Variants in RAB38 observed in about 807,000 individuals in gnomAD.
RAB38 encodes the protein ras-related protein Rab-38.
A neutral mutation model predicts 18.4 loss-of-function variants in RAB38; 15 were observed. That is an observed-to-expected ratio of 0.82 (90% confidence interval 0.55 to 1.26). The LOEUF (loss-of-function observed/expected upper bound fraction) is 1.26. RAB38 is among the 50% of genes most tolerant of loss of function. The pLI is 0.00. For missense variants in RAB38, 294 were observed against 267.4 expected, an observed-to-expected ratio of 1.10 and a Z score of -0.69; for synonymous variants, 101 against 104.4, an observed-to-expected ratio of 0.97 and a Z score of 0.20.
At chr11:88,083,942 G>T in the RAB38 span, among the ~76,000 whole-genome samples, 1 of 151,918 alleles carries the variant, frequency 6.6e-6, no homozygotes, top group South Asian at 2.1e-4. Context: ...AATGAACTAA[G>T]ACAGAAGGAT....
chr11:88,167,303 T>C (rs1243009703), intron 1 of RAB38: 1 of 152,062 alleles, frequency 6.6e-6, no homozygotes. Flanking sequence ...GTAAAAATCA[T>C]AGATGTGAGA....
chr11:87,966,835 G>T, the RAB38 span, among the ~76,000 whole-genome samples: 42 of 152,282 alleles, frequency 2.8e-4, no homozygotes, highest in South Asian at 8.3e-3. Context: ...AATTTATTGG[G>T]TGTGAGCCAG....
At chr11:88,043,584 C>T in the RAB38 span, among the ~76,000 whole-genome samples, 1 of 150,604 alleles carries the variant, frequency 6.6e-6, no homozygotes, top group African/African-American at 2.4e-5. Context: ...CAAAAGCTCC[C>T]CCACTGAGCA....
At chr11:88,016,547 G>C in the RAB38 span, among the ~76,000 whole-genome samples, 47 of 152,110 alleles carry the variant, frequency 3.1e-4, no homozygotes, top group African/African-American at 1.1e-3. Flanking sequence ...GATCCATCTT[G>C]CTTCCTAACA....
downstream of RAB38, among the ~76,000 whole-genome samples, chr11:88,109,692 C>A (rs1942448364): frequency 6.6e-6 from 1 of 152,108 alleles, no homozygotes; most frequent in Admixed American, 6.5e-5. Flanking sequence ...ACAACCCCAA[C>A]AAAAAGTGGG....
chr11:87,853,168 C>T, the RAB38 span, among the ~76,000 whole-genome samples: 2 of 152,088 alleles, frequency 1.3e-5, no homozygotes, highest in African/African-American at 2.4e-5. Flanking sequence ...CTACAAAGCA[C>T]GTGGCATTTC....
At chr11:88,079,853 G>C in the RAB38 span, among the ~76,000 whole-genome samples, 1 of 151,346 alleles carries the variant, frequency 6.6e-6, no homozygotes, top group African/African-American at 2.4e-5. Context: ...TCTCATTTAA[G>C]ATAAAAACTC....
At chr11:87,976,861 A>C in the RAB38 span, among the ~76,000 whole-genome samples, 2 of 101,628 alleles carry the variant, frequency 2.0e-5, no homozygotes, top group African/African-American at 7.8e-5. Flanking sequence ...ATAATGTATT[A>C]TATATTATAT....
the RAB38 span, among the ~76,000 whole-genome samples, chr11:88,105,042 T>C: frequency 6.6e-6 from 1 of 152,086 alleles, no homozygotes; most frequent in East Asian, 1.9e-4. Context: ...CAGACCTTAC[T>C]TTACAGATTT....
the RAB38 span, among the ~76,000 whole-genome samples, chr11:87,836,008 T>A: frequency 6.6e-6 from 1 of 152,174 alleles, no homozygotes. Context: ...TAACCTATAC[T>A]TTTTCTTCAA....
At chr11:87,909,073 A>G in the RAB38 span, among the ~76,000 whole-genome samples, 5 of 152,102 alleles carry the variant, frequency 3.3e-5, no homozygotes, top group South Asian at 8.3e-4. Flanking sequence ...ACTCACATAT[A>G]TCCTCTTGCC....
the RAB38 span, among the ~76,000 whole-genome samples, chr11:87,975,178 T>G: frequency 1.3e-5 from 2 of 151,888 alleles, no homozygotes; most frequent in African/African-American, 4.8e-5. Flanking sequence ...GTCATAGGAT[T>G]TGGGGCTCAT....
In RAB38 at chr11:88,139,580, T is replaced by C. The variant is rs140213235; in HGVS notation, c.483+10095A>G. On this transcript the variant is annotated intron_variant, in intron 2 of 2. Coordinates refer to ENST00000243662, the MANE Select transcript of RAB38 (RefSeq NM_022337.3). ...AGTGCCTACTTGAATATATAGTAGGTATTCAGAGAATACTTGGAGAATGAA... is the reference window on the plus strand; with the variant it reads ...AGTGCCTACTTGAATATATAGTAGGCATTCAGAGAATACTTGGAGAATGAA... Among the ~76,000 whole-genome samples, 14 of 152,346 alleles carry C rather than the reference T, an allele frequency of 9.2e-5. No individual in the cohort carries two copies. The East Asian group carries it at 2.7e-3, about 29-fold the overall frequency.
At chr11:87,942,476 A>G in the RAB38 span, among the ~76,000 whole-genome samples, 1 of 152,166 alleles carries the variant, frequency 6.6e-6, no homozygotes, top group Non-Finnish European at 1.5e-5. Flanking sequence ...GTATAAACCT[A>G]AGTTTATGCT....
chr11:87,830,295 C>T, the RAB38 span, among the ~76,000 whole-genome samples: 3 of 151,888 alleles, frequency 2.0e-5, no homozygotes, highest in Non-Finnish European at 4.4e-5. Flanking sequence ...GTCTGGGCAA[C>T]ATAGTGTAAC....
chr11:88,152,783 A>C (rs1003290960), intron 1 of RAB38, among the ~76,000 whole-genome samples: 8 of 152,216 alleles, frequency 5.3e-5, no homozygotes, highest in African/African-American at 1.9e-4. Flanking sequence ...TAATTCAAAA[A>C]CTTCCCTTGA....
the RAB38 span, among the ~76,000 whole-genome samples, chr11:88,045,703 C>T: frequency 7.2e-5 from 11 of 152,292 alleles, no homozygotes; most frequent in East Asian, 1.9e-3. Context: ...TGGACCATCA[C>T]AGATGCTTTA....
rs756836014 is a variant in RAB38, at chr11:88,157,699, C to T, written c.203-7744G>A. ...ATTACCGAAATCTCTCAAAACCACA[C>T]AATTACATGGAAATGAAAACAACTT... On this transcript the variant is annotated intron_variant, in intron 1 of 2. Transcript: ENST00000243662. 5.1e-4 allele frequency among the ~76,000 whole-genome samples: 77 copies of T among 152,172 alleles called. 2 individuals are homozygous for T. The highest frequency in any genetic ancestry group is 2.4e-4 in the Non-Finnish European group (16 of 67,970).
chr11:88,172,711 T>C (rs752230481), intron 1 of RAB38, among the ~76,000 whole-genome samples: 5 of 152,222 alleles, frequency 3.3e-5, no homozygotes, highest in African/African-American at 9.6e-5. Flanking sequence ...GGGTGGGCAG[T>C]TGAGGTTGTA....
Sources: allele counts gnomAD v4.1 joint callset (sites outside exome capture counted in the v4.1 genomes callset), GRCh38; gene constraint gnomAD v4.1.1; transcripts MANE v1.5; gene names NCBI Gene and HGNC (gene_info 2026-07-23, HGNC 2026-07-21).